ADGRB3: variants seen among roughly 807,000 people sequenced by gnomAD.
The protein encoded by ADGRB3 is brain-specific angiogenesis inhibitor 3.
In ADGRB3, 37 loss-of-function variants were observed where a neutral mutation model predicts 193.4. That is an observed-to-expected ratio of 0.19 (90% CI 0.15 to 0.25). The LOEUF is 0.25. ADGRB3 is among the 10% of genes least tolerant of loss of function. ADGRB3 has a pLI of 1.00. For missense variants in ADGRB3, 1,637 were observed against 1,852.9 expected, an observed-to-expected ratio of 0.88 and a Z score of 2.14; for synonymous variants, 690 against 644.2, an observed-to-expected ratio of 1.07 and a Z score of -1.08.
At chr6:69,156,726 A>G (rs192360023) in intron 17 of ADGRB3, among the ~76,000 whole-genome samples, 62 of 152,348 alleles carry the variant, frequency 4.1e-4, no homozygotes, top group African/African-American at 1.4e-3. Context: ...AGAAAATCCA[A>G]TGTTGTTATG....
chr6:69,285,672 AAAATAAAT>A (rs1189537986), intron 20 of ADGRB3, among the ~76,000 whole-genome samples: 2 of 151,994 alleles, frequency 1.3e-5, no homozygotes, highest in Admixed American at 1.3e-4. Context: ...CTCCATCTTA[AAAATAAAT>A]AAATAAATAA....
chr6:69,123,758 G>A (rs1164311234), intron 17 of ADGRB3, among the ~76,000 whole-genome samples: 3 of 152,104 alleles, frequency 2.0e-5, no homozygotes, highest in African/African-American at 4.8e-5. Flanking sequence ...TACTGCAAAG[G>A]CCAAGTTAGA....
At chr6:68,930,329 C>A (rs567513414) in intron 3 of ADGRB3, among the ~76,000 whole-genome samples, 1 of 152,076 alleles carries the variant, frequency 6.6e-6, no homozygotes, top group African/African-American at 2.4e-5. Context: ...CACTTAAAAT[C>A]TGTTGTGTCA....
intron 17 of ADGRB3, among the ~76,000 whole-genome samples, chr6:69,098,757 T>G (rs1184678162): frequency 6.6e-6 from 1 of 152,172 alleles, no homozygotes; most frequent in Admixed American, 6.5e-5. Flanking sequence ...GAATCTGAAA[T>G]AACACTGTAT....
chr6:69,201,464 T>C (rs187808138), intron 17 of ADGRB3, among the ~76,000 whole-genome samples: 60 of 152,170 alleles, frequency 3.9e-4, no homozygotes, highest in African/African-American at 1.4e-3. Context: ...TCTTATTTTC[T>C]CTCCCTCCTT....
chr6:69,325,985 C>T (rs1768559107), intron 21 of ADGRB3, among the ~76,000 whole-genome samples: 1 of 151,650 alleles, frequency 6.6e-6, no homozygotes, highest in African/African-American at 2.4e-5. Flanking sequence ...GGGTGGACTA[C>T]CTGAGCGTGG....
chr6:68,703,588 T>C (rs1161347164), intron 3 of ADGRB3, among the ~76,000 whole-genome samples: 1 of 152,076 alleles, frequency 6.6e-6, no homozygotes, highest in Non-Finnish European at 1.5e-5. Context: ...ATACCTAAAA[T>C]ATTAAATAAA....
intron 3 of ADGRB3, among the ~76,000 whole-genome samples, chr6:68,641,994 T>C (rs1299715670): frequency 6.6e-6 from 1 of 152,134 alleles, no homozygotes; most frequent in East Asian, 1.9e-4. Context: ...TGTTATTTTA[T>C]ATGATAACAT....
chr6:68,756,768 C>T (rs1766305853), intron 3 of ADGRB3, among the ~76,000 whole-genome samples: 1 of 152,146 alleles, frequency 6.6e-6, no homozygotes, highest in Non-Finnish European at 1.5e-5. Flanking sequence ...GTTGCAGATA[C>T]TCTGACTGCT....
chr6:68,858,039 G>A (rs1180087709), intron 3 of ADGRB3, among the ~76,000 whole-genome samples: 1 of 152,186 alleles, frequency 6.6e-6, no homozygotes, highest in Non-Finnish European at 1.5e-5. Context: ...CTTCCACCAT[G>A]ATTGTGAGGC....
intron 4 of ADGRB3, among the ~76,000 whole-genome samples, chr6:68,934,023 G>C (rs117704283): frequency 6.6e-6 from 1 of 151,976 alleles, no homozygotes; most frequent in Non-Finnish European, 1.5e-5. Flanking sequence ...ATGTATATTA[G>C]TTATTCTCAC....
At chr6:68,904,087 G>T (rs1162998040) in intron 3 of ADGRB3, among the ~76,000 whole-genome samples, 1 of 130,576 alleles carries the variant, frequency 7.7e-6, no homozygotes, top group East Asian at 2.1e-4. Flanking sequence ...GGGCTGGAGG[G>T]CGGGAGGAAG....
chr6:69,077,963 A>G (rs1022789607), intron 17 of ADGRB3, among the ~76,000 whole-genome samples: 2 of 151,980 alleles, frequency 1.3e-5, no homozygotes, highest in South Asian at 2.1e-4. Flanking sequence ...GCTTTAAACA[A>G]TGAAGGTTAA....
Position 68,907,611 on chromosome 6 carries a change from G to A in ADGRB3, c.758-22948G>A, listed in dbSNP as rs143374362. 1.6e-3 allele frequency among the ~76,000 whole-genome samples: 249 copies of A among 151,780 alleles called. 3 individuals carry two copies. Among genetic ancestry groups the A allele is most frequent in the African/African-American group, 5.8e-3 (240 of 41,470 alleles). On this transcript the variant is annotated intron_variant, in intron 3 of 31. Coordinates refer to ENST00000370598, the MANE Select transcript of ADGRB3 (RefSeq NM_001704.3). ...AGTTGATACATTTCAGACTTTACCA[G>A]GTTTATAGAAATTATATTTCTCTCA...
chr6:68,652,539 A>T (rs958435733), intron 3 of ADGRB3, among the ~76,000 whole-genome samples: 1 of 152,018 alleles, frequency 6.6e-6, no homozygotes, highest in Non-Finnish European at 1.5e-5. Flanking sequence ...CCAAACAAAA[A>T]TCCTCCTGCA....
At chr6:68,893,631 T>C (rs1010890807) in intron 3 of ADGRB3, among the ~76,000 whole-genome samples, 16 of 149,498 alleles carry the variant, frequency 1.1e-4, no homozygotes, top group Non-Finnish European at 2.1e-4. Flanking sequence ...AAAAGGACAA[T>C]AGAAAGGAAC....
intron 20 of ADGRB3, among the ~76,000 whole-genome samples, chr6:69,264,012 C>T (rs1262387638): frequency 6.6e-6 from 1 of 151,846 alleles, no homozygotes; most frequent in African/African-American, 2.4e-5. Flanking sequence ...AGTTTAATTC[C>T]AAAGTCCAAA....
chr6:69,009,564 C>G (rs1769871805), intron 11 of ADGRB3, among the ~76,000 whole-genome samples: 1 of 152,108 alleles, frequency 6.6e-6, no homozygotes, highest in Admixed American at 6.6e-5. Context: ...GTGGCTGGAT[C>G]ACATATGGCC....
chr6:68,679,922 A>C (rs1764851085), intron 3 of ADGRB3, among the ~76,000 whole-genome samples: 2 of 152,164 alleles, frequency 1.3e-5, no homozygotes, highest in South Asian at 4.1e-4. Flanking sequence ...TAAAATTCAC[A>C]TGTTGAAGTC....
Sources: allele counts gnomAD v4.1 joint callset (sites outside exome capture counted in the v4.1 genomes callset), GRCh38; gene constraint gnomAD v4.1.1; transcripts MANE v1.5; gene names NCBI Gene and HGNC (gene_info 2026-07-23, HGNC 2026-07-21).